PCDHA1: variants seen among roughly 807,000 people sequenced by gnomAD.
The protein encoded by PCDHA1 is protocadherin alpha-1.
A neutral mutation model predicts 61.3 loss-of-function variants in PCDHA1; 42 were observed. The observed-to-expected ratio is 0.69, with a 90% CI of 0.54 to 0.89. The LOEUF is 0.89. Among genes scored for constraint, PCDHA1 ranks in the 40% least tolerant of loss-of-function variants. The pLI is 0.00. For synonymous variants in PCDHA1, 610 were observed against 553.8 expected, an observed-to-expected ratio of 1.10 and a Z score of -1.43; for missense variants, 1,256 against 1,235.3, an observed-to-expected ratio of 1.02 and a Z score of -0.25.
chr5:140,811,590 G>T (rs1482503407), intron 1 of PCDHA1: 1 of 152,170 alleles, frequency 6.6e-6, no homozygotes, highest in African/African-American at 2.4e-5. Flanking sequence ...CTTCCACAAT[G>T]GTTGAACTAG....
intron 1 of PCDHA1, chr5:140,877,907 T>G (rs2057390973): frequency 2.1e-6 from 3 of 1,433,442 alleles, no homozygotes; most frequent in Non-Finnish European, 2.8e-6. Context: ...TATAACTACA[T>G]TCTCTCATTT....
At chr5:140,876,086 C>G (rs371336139) in intron 1 of PCDHA1, 7 of 1,613,778 alleles carry the variant, frequency 4.3e-6, no homozygotes, top group Non-Finnish European at 1.7e-6. Flanking sequence ...AGAGAGCAAA[C>G]GCCAAAACTC....
Position 140,884,409 on chromosome 5 carries a change from C to G in PCDHA1, c.2395-94540C>G, listed in dbSNP as rs373513056. The G allele has an allele frequency of 2.7e-5, 43 of 1,613,874 alleles. No individual in the cohort carries two copies. The highest frequency in any genetic ancestry group is 4.0e-5 in the African/African-American group (3 of 74,930). On this transcript the variant is annotated intron_variant, in intron 1 of 3. Coordinates refer to ENST00000504120, the MANE Select transcript of PCDHA1 (RefSeq NM_018900.4). ...GCGGTGTCCAGCCTGTTGGTGCTCA[C>G]GTTGCTGCTGTATACTGCGCTGCGG...
At chr5:140,843,779 T>G (rs1779095351) in intron 1 of PCDHA1, 1 of 1,431,152 alleles carries the variant, frequency 7.0e-7, no homozygotes, top group African/African-American at 1.4e-5. Flanking sequence ...ACTTTAAAAG[T>G]GTTTCAGATT....
chr5:140,822,839 T>C (rs2150119735), intron 1 of PCDHA1: 9 of 1,614,184 alleles, frequency 5.6e-6, no homozygotes, highest in Non-Finnish European at 7.6e-6. Flanking sequence ...ACCACCCTTT[T>C]CCTGCCTGTC....
rs201890234 is a variant in PCDHA1, at chr5:140,842,178, A to C, written c.2394+53494A>C. ...TCATATTCTTTTAATAGCCTTGTTG[A>C]AACTATGGTTATTGACCACTTTAGC... On this transcript the variant is annotated intron_variant, in intron 1 of 3. Transcript: ENST00000504120. 3.1e-4 allele frequency: 494 copies of C among 1,613,248 alleles called. 6 individuals are homozygous for C. Among genetic ancestry groups the C allele is most frequent in the African/African-American group, 2.3e-3 (170 of 74,856 alleles).
chr5:140,825,623 T>G (rs911523247), intron 1 of PCDHA1: 1 of 151,926 alleles, frequency 6.6e-6, no homozygotes, highest in African/African-American at 2.4e-5. Flanking sequence ...GGTTTCACCA[T>G]GTTGGTCATG....
At chr5:140,872,023 C>G (rs1554166000) in intron 1 of PCDHA1, among the ~76,000 whole-genome samples, 1 of 152,226 alleles carries the variant, frequency 6.6e-6, no homozygotes, top group African/African-American at 2.4e-5. Flanking sequence ...TAGCCTGGAA[C>G]TGCTAAGCTC....
chr5:141,003,560 G>T (rs1011065385), intron 3 of PCDHA1, among the ~76,000 whole-genome samples: 1 of 152,062 alleles, frequency 6.6e-6, no homozygotes, highest in Non-Finnish European at 1.5e-5. Context: ...TGATCCACCT[G>T]CCTCAGACTC....
chr5:140,869,858 T>C (rs1554163543), intron 1 of PCDHA1: 5 of 1,610,642 alleles, frequency 3.1e-6, no homozygotes, highest in East Asian at 4.5e-5. Context: ...GTGAGCCTTA[T>C]GGAAAATGCT....
chr5:140,805,865 A>G (rs1478948199), intron 1 of PCDHA1, among the ~76,000 whole-genome samples: 2 of 152,178 alleles, frequency 1.3e-5, no homozygotes, highest in Admixed American at 1.3e-4. Context: ...AAATTAATGC[A>G]TTTTATTAGG....
chr5:140,857,144 A>G, intron 1 of PCDHA1: 1 of 1,598,350 alleles, frequency 6.3e-7, no homozygotes, highest in Non-Finnish European at 8.6e-7. Context: ...TCAAGTGGGC[A>G]CCGTCATTGC....
chr5:140,805,972 C>A (rs541923768), intron 1 of PCDHA1, among the ~76,000 whole-genome samples: 1 of 152,220 alleles, frequency 6.6e-6, no homozygotes, highest in African/African-American at 2.4e-5. Context: ...CAACTATTCC[C>A]TTTAAAATAT....
chr5:140,970,400 C>T (rs1586425210), intron 1 of PCDHA1, among the ~76,000 whole-genome samples: 1 of 152,162 alleles, frequency 6.6e-6, no homozygotes, highest in Non-Finnish European at 1.5e-5. Context: ...AAGTGGATGG[C>T]TTACCCTACA....
chr5:140,892,516 C>T (rs1308217040), intron 1 of PCDHA1, among the ~76,000 whole-genome samples: 1 of 152,222 alleles, frequency 6.6e-6, no homozygotes, highest in East Asian at 1.9e-4. Context: ...TCCACCATGA[C>T]TGGTAGACTC....
intron 1 of PCDHA1, among the ~76,000 whole-genome samples, chr5:140,837,994 C>CA (rs1554136741): frequency 6.6e-6 from 1 of 150,494 alleles, no homozygotes; most frequent in Non-Finnish European, 1.5e-5. Context: ...TTCATCTTTC[C>CA]TTTTTTTTAA....
At chr5:140,796,539 C>T (rs1183970604) in intron 1 of PCDHA1, 5 of 1,612,894 alleles carry the variant, frequency 3.1e-6, no homozygotes, top group Middle Eastern at 1.9e-4. Context: ...CGCTGGACCA[C>T]GAGGAAGTGG....
At chr5:140,797,777 C>T (rs1452103300) in intron 1 of PCDHA1, among the ~76,000 whole-genome samples, 1 of 152,190 alleles carries the variant, frequency 6.6e-6, no homozygotes, top group East Asian at 1.9e-4. Flanking sequence ...TAACCTATAT[C>T]CTGGACATTT....
Position 140,918,290 on chromosome 5 carries a change from C to A in PCDHA1, c.2395-60659C>A, listed in dbSNP as rs188994807. ...TTTATCAGATGTAGGAGCTTTTTGG[C>A]AGAGAATATAGGGTTTTCTAGGTAT... On this transcript the variant is annotated intron_variant, in intron 1 of 3. Transcript: ENST00000504120. Among the ~76,000 whole-genome samples the A allele has an allele frequency of 2.1e-3, 321 of 152,226 alleles. 1 individual carries two copies. Among genetic ancestry groups the A allele is most frequent in the African/African-American group, 7.5e-3 (313 of 41,534 alleles).
Sources: allele counts gnomAD v4.1 joint callset (sites outside exome capture counted in the v4.1 genomes callset), GRCh38; gene constraint gnomAD v4.1.1; transcripts MANE v1.5; gene names NCBI Gene and HGNC (gene_info 2026-07-23, HGNC 2026-07-21).